The following PHKG1 variants were observed in gnomAD, a reference collection of about 807,000 sequenced individuals.
PHKG1 encodes the protein phosphorylase kinase catalytic subunit gamma 1, also known as phosphorylase b kinase gamma catalytic chain, skeletal muscle/heart isoform.
A neutral mutation model predicts 50.5 loss-of-function variants in PHKG1; 48 were observed. The observed-to-expected ratio is 0.95, with a 90% CI of 0.75 to 1.21. PHKG1 has a LOEUF of 1.21. PHKG1 is among the 50% of genes most tolerant of loss of function. PHKG1 has a pLI of 0.00. For synonymous variants in PHKG1, 204 were observed against 212.8 expected (o/e 0.96, Z 0.36); for missense variants, 487 against 519.5 (o/e 0.94, Z 0.61).
At chr7:56,082,329 A>C in intron 6 of PHKG1, 76 bp from the exon 7 acceptor site, 57 of 1,146,904 alleles carry the variant, frequency 5.0e-5, no homozygotes, top group Middle Eastern at 2.1e-4. Context: ...GCAGTGGCTC[A>C]TTTCTATAAT....
In PHKG1 at chr7:56,083,649, C is replaced by T. The variant is rs780543664; in HGVS notation, c.383+1G>A. 6 of 1,580,082 alleles carry T rather than the reference C, an allele frequency of 3.8e-6. No homozygotes were observed. Among genetic ancestry groups the T allele is most frequent in the East Asian group, 2.3e-5 (1 of 43,664 alleles). ...GGAGAGAAGGGCAAAGGGACCCTCA[C>T]CTGGTTTCCTTCTCACTCAAGGTGA... On this transcript the variant is annotated splice_donor_variant, in intron 5 of 9. Coordinates refer to ENST00000297373, the MANE Select transcript of PHKG1 (RefSeq NM_006213.5). LOFTEE classifies it high-confidence loss of function.
chr7:56,081,313 C>T lies in PHKG1; in HGVS notation c.919-14G>A, dbSNP rs1180234778. The T allele has an allele frequency of 8.1e-6, 13 of 1,598,038 alleles. No individual in the cohort carries two copies. The highest frequency in any genetic ancestry group is 2.7e-5 in the African/African-American group (2 of 74,726). ...CAGAGCGATCACCTGCAGGGCCAGG[C>T]GGAGAAGCTGGGCTGCAGCCCCCGC... On this transcript the variant is annotated splice_polypyrimidine_tract_variant and intron_variant, in intron 9 of 9. Coordinates refer to ENST00000297373, the MANE Select transcript of PHKG1 (RefSeq NM_006213.5). The surrounding 1 kb of genome is among the most constrained non-coding windows in gnomAD (Gnocchi z 4.6).
intron 6 of PHKG1, among the ~76,000 whole-genome samples, chr7:56,082,949 T>G (rs753477696): frequency 6.6e-6 from 1 of 151,842 alleles, no homozygotes; most frequent in Non-Finnish European, 1.5e-5. Context: ...CTACTAAAAA[T>G]ACAAAAATTA....
Position 56,082,688 on chromosome 7 carries a change from C to T in PHKG1, c.548-435G>A, listed in dbSNP as rs377020885. ...CCCCCAACATCCACCAACTTCAGGG[C>T]CCAGGGCAGGGCGGGATACTGCCCA... On this transcript the variant is annotated intron_variant, in intron 6 of 9. Coordinates refer to ENST00000297373, the MANE Select transcript of PHKG1 (RefSeq NM_006213.5). 8.0e-4 allele frequency among the ~76,000 whole-genome samples: 122 copies of T among 152,270 alleles called. No individual in the cohort carries two copies. The South Asian group carries it at 0.023, about 29-fold the overall frequency.
chr7:56,083,209 A>G lies in PHKG1; in HGVS notation c.547+69T>C, dbSNP rs1479557003. The G allele has an allele frequency of 5.7e-6, 8 of 1,404,724 alleles. No individual in the cohort carries two copies. In the Admixed American group the frequency reaches 1.1e-4, roughly 19 times the overall value. The allele number at this position is 1,404,724 out of a possible 1,614,324, so 87.0% of individuals were successfully genotyped here. Reference sequence around the variant, plus strand: ...TTAAGTTAGGGGAGAAACCCAGACCATCTCTATTCTGCAGATGGTTGATTG... The same window carrying G: ...TTAAGTTAGGGGAGAAACCCAGACCGTCTCTATTCTGCAGATGGTTGATTG... On this transcript the variant is annotated intron_variant, in intron 6 of 9. Coordinates refer to ENST00000297373, the MANE Select transcript of PHKG1 (RefSeq NM_006213.5).
intron 6 of PHKG1, among the ~76,000 whole-genome samples, chr7:56,082,522 G>C (rs1260924536): frequency 6.6e-6 from 1 of 152,110 alleles, no homozygotes; most frequent in Non-Finnish European, 1.5e-5. Flanking sequence ...GAACCTGGGA[G>C]GTGGAGTTTG....
Position 56,081,335 on chromosome 7 carries a change from C to A in PHKG1, c.919-36G>T, listed in dbSNP as rs762736461. 6.2e-5 allele frequency: 97 copies of A among 1,575,994 alleles called. No individual in the cohort carries two copies. Among genetic ancestry groups the A allele is most frequent in the Non-Finnish European group, 7.7e-5 (90 of 1,167,820 alleles). On this transcript the variant is annotated intron_variant, in intron 9 of 9. Coordinates refer to ENST00000297373, the MANE Select transcript of PHKG1 (RefSeq NM_006213.5). This position sits in a 1 kb window ranked among gnomAD's most constrained non-coding sequence, Gnocchi z 4.6. ...AGGCGGAGAAGCTGGGCTGCAGCCC[C>A]CGCCCTGCCAGGCCCTGCCCCTCCA...
intron 6 of PHKG1, 47 bp downstream of exon 6, chr7:56,083,231 A>T: frequency 6.3e-7 from 1 of 1,584,090 alleles, no homozygotes; most frequent in East Asian, 2.2e-5. Flanking sequence ...CAGATGGTTG[A>T]TTGAGCACCC....
chr7:56,087,359 T>G (rs1310183634), intron 3 of PHKG1, among the ~76,000 whole-genome samples: 1 of 151,928 alleles, frequency 6.6e-6, no homozygotes, highest in Non-Finnish European at 1.5e-5. Flanking sequence ...GTGGCTGGGA[T>G]TACAGGCATG....
At chr7:56,091,222 A>G (rs1399359026) in intron 1 of PHKG1, among the ~76,000 whole-genome samples, 1 of 151,424 alleles carries the variant, frequency 6.6e-6, no homozygotes, top group Non-Finnish European at 1.5e-5. Flanking sequence ...GTCTCAAAAA[A>G]TAAGACAAAA....
rs920319966 is a variant in PHKG1, at chr7:56,086,673, C to T, written c.317+297G>A. 5.3e-5 allele frequency among the ~76,000 whole-genome samples: 8 copies of T among 151,910 alleles called. No individual in the cohort carries two copies. The East Asian group carries it at 5.8e-4, about 11-fold the overall frequency. ...GATTACGGTTGTGAGCCACTGCGCCCGCCTGTAGCTAATAATTATTAGTAT... is the reference window on the plus strand; with the variant it reads ...GATTACGGTTGTGAGCCACTGCGCCTGCCTGTAGCTAATAATTATTAGTAT... On this transcript the variant is annotated intron_variant, in intron 4 of 9. Transcript: ENST00000297373.
intron 6 of PHKG1, 103 bp from the exon 7 acceptor site, chr7:56,082,356 G>T: frequency 1.2e-6 from 1 of 866,372 alleles, no homozygotes; most frequent in Non-Finnish European, 1.8e-6. Flanking sequence ...ACTTTGGGAG[G>T]CCGAGGCAGG....
At chr7:56,083,616 G>C in intron 5 of PHKG1, 34 bp downstream of exon 5, 1 of 1,556,996 alleles carries the variant, frequency 6.4e-7, no homozygotes, top group Non-Finnish European at 8.8e-7. Flanking sequence ...AGCCACGTGG[G>C]AGGGAGCGGA....
intron 3 of PHKG1, 113 bp downstream of exon 3, chr7:56,087,485 T>G (rs1263456166): frequency 1.6e-5 from 16 of 999,166 alleles, no homozygotes; most frequent in African/African-American, 3.2e-5. Flanking sequence ...CTGGGAGCCT[T>G]GAGCCTGGGT....
intron 1 of PHKG1, among the ~76,000 whole-genome samples, chr7:56,090,625 T>C (rs1285010265): frequency 6.6e-6 from 1 of 152,104 alleles, no homozygotes; most frequent in African/African-American, 2.4e-5. Flanking sequence ...TAGATTATCA[T>C]CTCTAGGATG....
intron 4 of PHKG1, among the ~76,000 whole-genome samples, chr7:56,085,132 T>C (rs1289111566): frequency 1.3e-5 from 2 of 152,162 alleles, no homozygotes; most frequent in African/African-American, 4.8e-5. Context: ...GGCTAACTTT[T>C]GTATTTTTTG....
chr7:56,085,176 G>T (rs1796201099), intron 4 of PHKG1, among the ~76,000 whole-genome samples: 1 of 152,074 alleles, frequency 6.6e-6, no homozygotes, highest in Admixed American at 6.6e-5. Context: ...GCCCAGGCTG[G>T]TCTCGAACTC....
At chr7:56,086,546 C>T (rs1261359054) in intron 4 of PHKG1, among the ~76,000 whole-genome samples, 2 of 151,908 alleles carry the variant, frequency 1.3e-5, no homozygotes, top group African/African-American at 4.8e-5. Context: ...TGGAGTTCAA[C>T]GGCGTGATCT....
chr7:56,081,379 C>T lies in PHKG1; in HGVS notation c.919-80G>A, dbSNP rs1230741832. 1.3e-6 allele frequency: 2 copies of T among 1,501,938 alleles called. No homozygotes were observed. The highest frequency in any genetic ancestry group is 1.8e-6 in the Non-Finnish European group (2 of 1,127,052). 93.0% of individuals were successfully genotyped at this position (1,501,938 alleles called of 1,614,324 possible). ...CCCTCCAGCACAGGGACGCTCTGGG[C>T]TCGTTTGCCACGAAGCCTTGGGTGG... On this transcript the variant is annotated intron_variant, in intron 9 of 9. Coordinates refer to ENST00000297373, the MANE Select transcript of PHKG1 (RefSeq NM_006213.5). The surrounding 1 kb of genome is among the most constrained non-coding windows in gnomAD (Gnocchi z 4.6).
Sources: gnomAD v4.1 joint callset for allele counts (sites outside exome capture counted in the v4.1 genomes callset) on GRCh38, gnomAD v4.1.1 for gene constraint, Gnocchi (gnomAD v3.1) non-coding constraint, MANE v1.5 for transcripts, NCBI Gene and HGNC (gene_info 2026-07-23, HGNC 2026-07-21) for gene names.